Variants in DOCK2 observed in about 807,000 individuals in gnomAD.
The protein encoded by DOCK2 is dedicator of cytokinesis 2.
Under a neutral mutation model 248.9 loss-of-function variants are expected in DOCK2, and 87 were observed. The ratio of observed to expected loss-of-function variants is 0.35; its 90% CI spans 0.29 to 0.42. The LOEUF is 0.42. Ranked by LOEUF, DOCK2 falls within the 10% of genes least tolerant of loss-of-function variation. The pLI is 1.00. For missense variants in DOCK2, 1,747 were observed against 2,300.2 expected (o/e 0.76, Z 4.92); for synonymous variants, 805 against 821.6 (o/e 0.98, Z 0.35).
intron 40 of DOCK2, among the ~76,000 whole-genome samples, chr5:170,048,831 C>T (rs1005451083): frequency 6.6e-6 from 1 of 152,174 alleles, no homozygotes; most frequent in Non-Finnish European, 1.5e-5. Context: ...AGTAGGCTTC[C>T]TTCAGTCTGT....
chr5:169,659,559 A>C (rs1231949608), intron 2 of DOCK2, among the ~76,000 whole-genome samples: 1 of 152,186 alleles, frequency 6.6e-6, no homozygotes, highest in Admixed American at 6.5e-5. Context: ...ATGAAGAGGG[A>C]AAACAGGACC....
At chr5:169,786,493 G>A (rs578085983) in intron 25 of DOCK2, among the ~76,000 whole-genome samples, 5 of 152,318 alleles carry the variant, frequency 3.3e-5, no homozygotes, top group African/African-American at 7.2e-5. Context: ...GAAGAATGTG[G>A]AAGGTGGGAG....
intron 26 of DOCK2, among the ~76,000 whole-genome samples, chr5:169,824,137 G>A (rs1299667338): frequency 6.6e-6 from 1 of 152,088 alleles, no homozygotes; most frequent in Non-Finnish European, 1.5e-5. Flanking sequence ...CAAAGAAATG[G>A]AAGAACATTC....
At chr5:169,775,551 T>C (rs1189875152) in intron 25 of DOCK2, among the ~76,000 whole-genome samples, 2 of 152,138 alleles carry the variant, frequency 1.3e-5, no homozygotes, top group East Asian at 3.8e-4. Context: ...GGTGCAAATA[T>C]AATGTTTATA....
At chr5:169,875,391 T>C (rs903743892) in intron 27 of DOCK2, 10 of 439,416 alleles carry the variant, frequency 2.3e-5, no homozygotes, top group African/African-American at 4.1e-5. Flanking sequence ...ACATCTTCAA[T>C]GTAAACCCTC....
chr5:169,647,052 C>T (rs169082), intron 1 of DOCK2, among the ~76,000 whole-genome samples: 68,043 of 152,058 alleles, frequency 0.45, 15,663 homozygotes, highest in East Asian at 0.53. Context: ...ATTATTAGTA[C>T]TAATGTCCCC....
At chr5:169,995,267 G>A (rs890369561) in intron 29 of DOCK2, among the ~76,000 whole-genome samples, 1 of 152,068 alleles carries the variant, frequency 6.6e-6, no homozygotes, top group Admixed American at 6.5e-5. Context: ...GACCTCAAGT[G>A]ATCCACCCAC....
At position 169,997,369 on chromosome 5, in the gene DOCK2, A is replaced by G. The variant is rs542208398; in HGVS notation, c.3072+1205A>G. 4.2e-4 allele frequency among the ~76,000 whole-genome samples: 62 copies of G among 146,566 alleles called. 2 individuals are homozygous for G. The highest frequency in any genetic ancestry group is 7.7e-4 in the Non-Finnish European group (52 of 67,124). On this transcript the variant is annotated intron_variant, in intron 30 of 51. Coordinates refer to ENST00000520908, the MANE Select transcript of DOCK2 (RefSeq NM_004946.3). ...GAGACAGATGCCTTCCTCTTGTCTC[A>G]ACTGCAAGAGACATTCCTTCCTCTT...
intron 44 of DOCK2, among the ~76,000 whole-genome samples, chr5:170,066,421 A>T (rs1392945450): frequency 6.6e-6 from 1 of 152,222 alleles, no homozygotes; most frequent in African/African-American, 2.4e-5. Flanking sequence ...ACATTAGGAG[A>T]TCTAGAGGGA....
chr5:169,923,919 C>T (rs990834519), intron 27 of DOCK2, among the ~76,000 whole-genome samples: 1 of 152,218 alleles, frequency 6.6e-6, no homozygotes, highest in African/African-American at 2.4e-5. Flanking sequence ...CAATCTGCTG[C>T]TCCCTTGGAG....
chr5:169,868,037 A>G (rs988976828), intron 27 of DOCK2, among the ~76,000 whole-genome samples: 1 of 152,202 alleles, frequency 6.6e-6, no homozygotes, highest in Non-Finnish European at 1.5e-5. Flanking sequence ...ACAGAAAAAC[A>G]ATCTTCATCA....
At chr5:170,034,703 T>G (rs1460582588) in intron 35 of DOCK2, 148 bp downstream of exon 35, 9 of 1,145,614 alleles carry the variant, frequency 7.9e-6, no homozygotes, top group Non-Finnish European at 1.1e-5. Flanking sequence ...TCTGCTGCGC[T>G]TTCTGCTAGC....
At chr5:169,938,910 CT>C (rs60068204) in intron 27 of DOCK2, among the ~76,000 whole-genome samples, 23 of 141,202 alleles carry the variant, frequency 1.6e-4, no homozygotes, top group East Asian at 1.0e-3. Context: ...TTTTTCTTTT[CT>C]TTTTTTTTTT....
intron 26 of DOCK2, among the ~76,000 whole-genome samples, chr5:169,825,785 A>T (rs183578002): frequency 6.7e-6 from 1 of 149,630 alleles, no homozygotes; most frequent in East Asian, 1.9e-4. Context: ...ATATATCTAT[A>T]TATATATATA....
chr5:170,033,848 A>G (rs1756229795), intron 34 of DOCK2, among the ~76,000 whole-genome samples: 1 of 152,238 alleles, frequency 6.6e-6, no homozygotes, highest in South Asian at 2.1e-4. Flanking sequence ...TTTCATGCCC[A>G]GACATATTGA....
At chr5:169,960,255 A>G (rs957235884) in intron 27 of DOCK2, among the ~76,000 whole-genome samples, 1 of 152,224 alleles carries the variant, frequency 6.6e-6, no homozygotes, top group African/African-American at 2.4e-5. Context: ...ATGTCAAAAG[A>G]TAAAACCTCT....
At chr5:169,992,592 G>C (rs1416495708) in intron 29 of DOCK2, among the ~76,000 whole-genome samples, 1 of 152,064 alleles carries the variant, frequency 6.6e-6, no homozygotes. Context: ...AGCCTCCCGA[G>C]TAGCTGGGAT....
intron 25 of DOCK2, among the ~76,000 whole-genome samples, chr5:169,772,394 T>G (rs1473124371): frequency 6.6e-6 from 1 of 152,238 alleles, no homozygotes; most frequent in African/African-American, 2.4e-5. Flanking sequence ...AGTTTCTTTT[T>G]GTATTTGATA....
chr5:169,735,127 C>T (rs1265655068), intron 22 of DOCK2, among the ~76,000 whole-genome samples: 1 of 152,200 alleles, frequency 6.6e-6, no homozygotes, highest in African/African-American at 2.4e-5. Flanking sequence ...AGTGATCTTT[C>T]CACAGTTCAA....
Sources: gnomAD v4.1 joint callset for allele counts (sites outside exome capture counted in the v4.1 genomes callset) on GRCh38, gnomAD v4.1.1 for gene constraint, MANE v1.5 for transcripts, NCBI Gene and HGNC (gene_info 2026-07-23, HGNC 2026-07-21) for gene names.